The following SGCZ variants were observed in gnomAD, a reference collection of about 807,000 sequenced individuals.
SGCZ encodes zeta-sarcoglycan.
SGCZ carries 40 observed loss-of-function variants against 41.3 expected under a neutral mutation model. The observed-to-expected ratio is 0.97, with a 90% CI of 0.75 to 1.26. The LOEUF is 1.26. SGCZ is among the 50% of genes most tolerant of loss of function. The pLI, the probability that SGCZ is intolerant of heterozygous loss-of-function variation, is 0.00. For synonymous variants in SGCZ, 206 were observed against 137.5 expected (o/e 1.50, Z -3.49); for missense variants, 552 against 369.8 (o/e 1.49, Z -4.04).
chr8:14,332,102 T>C (rs1802348812), intron 2 of SGCZ, among the ~76,000 whole-genome samples: 1 of 152,188 alleles, frequency 6.6e-6, no homozygotes, highest in African/African-American at 2.4e-5. Flanking sequence ...AGAACATATA[T>C]AATTGCTCCA....
intron 1 of SGCZ, among the ~76,000 whole-genome samples, chr8:15,227,893 A>G (rs763064765): frequency 1.3e-5 from 2 of 152,192 alleles, no homozygotes; most frequent in Non-Finnish European, 2.9e-5. Context: ...AATTTTCACA[A>G]TTATAGAAGT....
chr8:15,117,186 C>T (rs1028980755), intron 1 of SGCZ, among the ~76,000 whole-genome samples: 8 of 152,140 alleles, frequency 5.3e-5, no homozygotes, highest in South Asian at 2.1e-4. Flanking sequence ...GGTGAAACCC[C>T]GTCTCTACTA....
At chr8:14,176,164 T>C (rs1804536134) in intron 4 of SGCZ, among the ~76,000 whole-genome samples, 1 of 152,152 alleles carries the variant, frequency 6.6e-6, no homozygotes, top group African/African-American at 2.4e-5. Context: ...CAAAACATTA[T>C]CATCAGTGTT....
chr8:14,137,021 C>A (rs903290213), intron 5 of SGCZ, among the ~76,000 whole-genome samples: 1 of 152,106 alleles, frequency 6.6e-6, no homozygotes, highest in Non-Finnish European at 1.5e-5. Context: ...CTGGTGATAC[C>A]AAGGCAAACA....
chr8:15,139,686 T>C lies in SGCZ; in HGVS notation c.39+97899A>G, dbSNP rs145574623. Among the ~76,000 whole-genome samples the C allele has an allele frequency of 4.4e-3, 671 of 152,286 alleles. 8 individuals are homozygous for C. Among genetic ancestry groups the C allele is most frequent in the African/African-American group, 0.015 (637 of 41,568 alleles). The stretch of plus-strand genomic sequence containing the variant: ...CAAATACCATAAAATATTTTAACTA[T>C]AGTCCTCATGTTGTACATTAGATCT... On this transcript the variant is annotated intron_variant, in intron 1 of 7. Coordinates refer to ENST00000382080, the MANE Select transcript of SGCZ (RefSeq NM_139167.4).
intron 2 of SGCZ, among the ~76,000 whole-genome samples, chr8:14,347,747 G>T (rs1406031877): frequency 2.0e-5 from 3 of 151,386 alleles, no homozygotes; most frequent in Non-Finnish European, 4.4e-5. Flanking sequence ...ATTCACTTTG[G>T]GAAGCCATGG....
intron 2 of SGCZ, among the ~76,000 whole-genome samples, chr8:14,547,948 C>T (rs1803682083): frequency 6.6e-6 from 1 of 152,236 alleles, no homozygotes; most frequent in African/African-American, 2.4e-5. Flanking sequence ...TTGTTTTATG[C>T]TCAACCTTAA....
At chr8:14,368,822 T>C (rs114844881) in intron 2 of SGCZ, among the ~76,000 whole-genome samples, 2,258 of 151,712 alleles carry the variant, frequency 0.015, 68 homozygotes, top group African/African-American at 0.051. Context: ...ACATCTGGTA[T>C]ACAATTGCAG....
intron 3 of SGCZ, among the ~76,000 whole-genome samples, chr8:14,298,302 A>G (rs1801084063): frequency 6.6e-6 from 1 of 152,020 alleles, no homozygotes; most frequent in Non-Finnish European, 1.5e-5. Flanking sequence ...GAAATAAGAT[A>G]AAGATATCTT....
intron 1 of SGCZ, among the ~76,000 whole-genome samples, chr8:14,894,352 T>C (rs1413684765): frequency 6.6e-6 from 1 of 152,242 alleles, no homozygotes; most frequent in East Asian, 1.9e-4. Flanking sequence ...CATCTGTCAT[T>C]AGAAAATTTA....
intron 1 of SGCZ, among the ~76,000 whole-genome samples, chr8:14,735,374 A>T (rs1207085040): frequency 6.6e-6 from 1 of 152,172 alleles, no homozygotes; most frequent in Non-Finnish European, 1.5e-5. Flanking sequence ...CACGGCTAAA[A>T]CAAAGCAGGT....
At chr8:15,089,031 T>C (rs888976805) in intron 1 of SGCZ, among the ~76,000 whole-genome samples, 1 of 152,186 alleles carries the variant, frequency 6.6e-6, no homozygotes, top group Non-Finnish European at 1.5e-5. Flanking sequence ...AAGATATTAA[T>C]GAGCAACACA....
intron 1 of SGCZ, among the ~76,000 whole-genome samples, chr8:14,808,638 C>A (rs990580766): frequency 2.6e-5 from 4 of 152,064 alleles, no homozygotes; most frequent in Admixed American, 6.6e-5. Flanking sequence ...GGTGGGACTG[C>A]AAACTAATTC....
intron 3 of SGCZ, among the ~76,000 whole-genome samples, chr8:14,282,846 A>ATTTTTT (rs1563232512): frequency 6.4e-5 from 4 of 62,978 alleles, no homozygotes; most frequent in African/African-American, 1.3e-4. Flanking sequence ...TCTTTCAAAT[A>ATTTTTT]CTTTTTTTTT....
At chr8:15,164,480 C>T (rs1799596973) in intron 1 of SGCZ, among the ~76,000 whole-genome samples, 1 of 152,098 alleles carries the variant, frequency 6.6e-6, no homozygotes, top group African/African-American at 2.4e-5. Context: ...TGCTGGAGCC[C>T]TCCCCAGCCC....
At chr8:14,150,328 C>G (rs904380892) in intron 5 of SGCZ, among the ~76,000 whole-genome samples, 1 of 151,970 alleles carries the variant, frequency 6.6e-6, no homozygotes, top group Non-Finnish European at 1.5e-5. Flanking sequence ...TCAAACAACT[C>G]TATAGGAAAA....
chr8:14,607,345 A>G (rs772192186), intron 1 of SGCZ, among the ~76,000 whole-genome samples: 8 of 152,176 alleles, frequency 5.3e-5, no homozygotes, highest in Non-Finnish European at 1.0e-4. Flanking sequence ...CTGAATTACG[A>G]TCATCACTGC....
chr8:14,594,247 G>A (rs1015187190), intron 1 of SGCZ, among the ~76,000 whole-genome samples: 17 of 151,400 alleles, frequency 1.1e-4, no homozygotes, highest in African/African-American at 4.1e-4. Flanking sequence ...AAATACAAAT[G>A]GCTGAACCCC....
At chr8:14,662,095 C>T (rs1807769895) in intron 1 of SGCZ, among the ~76,000 whole-genome samples, 1 of 152,064 alleles carries the variant, frequency 6.6e-6, no homozygotes, top group Admixed American at 6.6e-5. Flanking sequence ...CTTAAGTAGC[C>T]TCAAAGTTGT....
Sources: gnomAD v4.1 joint callset for allele counts (sites outside exome capture counted in the v4.1 genomes callset) on GRCh38, gnomAD v4.1.1 for gene constraint, MANE v1.5 for transcripts, NCBI Gene and HGNC (gene_info 2026-07-23, HGNC 2026-07-21) for gene names.